The following PCDHA9 variants were observed in gnomAD, a reference collection of about 807,000 sequenced individuals.
PCDHA9 encodes protocadherin alpha 9, also known as protocadherin alpha-9.
A neutral mutation model predicts 62.0 loss-of-function variants in PCDHA9; 62 were observed. That is an observed-to-expected ratio of 1.00 (90% confidence interval 0.81 to 1.23). The LOEUF (loss-of-function observed/expected upper bound fraction) is 1.23. Ranked by LOEUF, PCDHA9 falls within the 50% of genes most tolerant of loss-of-function variation. The probability of loss-of-function intolerance (pLI) is 0.00; values close to 1 mark genes in which losing one functional copy is unlikely to be tolerated. For synonymous variants in PCDHA9, 557 were observed against 567.6 expected (o/e 0.98, Z 0.27); for missense variants, 1,205 against 1,249.8 (o/e 0.96, Z 0.54).
At chr5:140,949,597 C>T (rs1279469149) in intron 1 of PCDHA9, among the ~76,000 whole-genome samples, 1 of 151,600 alleles carries the variant, frequency 6.6e-6, no homozygotes, top group African/African-American at 2.4e-5. Flanking sequence ...TTAATGTGGC[C>T]ATTCTAGTCT....
At chr5:140,898,410 C>T (rs1554187963) in intron 1 of PCDHA9, among the ~76,000 whole-genome samples, 4 of 152,212 alleles carry the variant, frequency 2.6e-5, no homozygotes. Flanking sequence ...CTACATACGG[C>T]TAGCCAGTTT....
Position 140,849,010 on chromosome 5 carries a change from T to C in PCDHA9, c.515T>C (p.Leu172Pro). 6.3e-7 allele frequency: 1 copy of C among 1,591,032 alleles called. No individual in the cohort carries two copies. Among genetic ancestry groups the C allele is most frequent in the Non-Finnish European group, 8.6e-7 (1 of 1,165,658 alleles). The change falls in exon 1 of 4, where the codon CTG becomes CCG. Residue 172 changes from leucine (L) to proline (P), a missense_variant. Transcript: ENST00000532602. ...GAGAACGCCCTGCTCACTTACAGACTGAGCCCCAATGAGTATTTCTTCCTG... is the reference window on the plus strand; with the variant it reads ...GAGAACGCCCTGCTCACTTACAGACCGAGCCCCAATGAGTATTTCTTCCTG... The part of the protein sequence containing the change: ...IGENALLTYR[L>P]SPNEYFFLDV...
At chr5:140,865,948 A>T (rs1324483727) in intron 1 of PCDHA9, 1 of 152,186 alleles carries the variant, frequency 6.6e-6, no homozygotes, top group African/African-American at 2.4e-5. Flanking sequence ...GATTGTCTTC[A>T]TCATTAATTT....
At chr5:140,924,416 T>G (rs1283567998) in intron 1 of PCDHA9, among the ~76,000 whole-genome samples, 1 of 152,192 alleles carries the variant, frequency 6.6e-6, no homozygotes, top group African/African-American at 2.4e-5. Context: ...CAGTGTGCCC[T>G]TTCTAGTTCC....
chr5:140,932,346 A>C (rs529573484), intron 1 of PCDHA9, among the ~76,000 whole-genome samples: 1 of 151,954 alleles, frequency 6.6e-6, no homozygotes, highest in African/African-American at 2.4e-5. Context: ...AACACTTACC[A>C]TACAACTGGC....
Position 140,979,718 on chromosome 5 carries a change from T to C in PCDHA9, c.2453+711T>C, listed in dbSNP as rs372148471. Among the ~76,000 whole-genome samples, 17 of 152,388 alleles carry C rather than the reference T, an allele frequency of 1.1e-4. No homozygotes were observed. The East Asian group carries it at 2.7e-3, about 24-fold the overall frequency. On this transcript the variant is annotated intron_variant, in intron 2 of 3. Transcript: ENST00000532602. ...ATTTCTGGAGGTGATCCAGTATCCA[T>C]GCCATGGGGCCAAATAAAAGATTCA...
chr5:140,961,196 A>G (rs2095596614), intron 1 of PCDHA9, among the ~76,000 whole-genome samples: 2 of 152,150 alleles, frequency 1.3e-5, no homozygotes, highest in African/African-American at 4.8e-5. Context: ...GACCCTAGTG[A>G]GGTTGGTATT....
chr5:140,882,451 G>C, intron 1 of PCDHA9: 1 of 1,614,040 alleles, frequency 6.2e-7, no homozygotes. Flanking sequence ...AGCTGGTGCC[G>C]CGCCTGTTCC....
chr5:140,886,945 A>T (rs2061235497), intron 1 of PCDHA9, among the ~76,000 whole-genome samples: 1 of 152,148 alleles, frequency 6.6e-6, no homozygotes, highest in Admixed American at 6.5e-5. Flanking sequence ...TGTTCTACAC[A>T]TTAGACATTT....
At chr5:140,938,218 T>C (rs1050033125) in intron 1 of PCDHA9, among the ~76,000 whole-genome samples, 1 of 152,210 alleles carries the variant, frequency 6.6e-6, no homozygotes, top group Admixed American at 6.5e-5. Flanking sequence ...AGTGCTGGGA[T>C]TACAGGCATA....
intron 1 of PCDHA9, chr5:140,870,035 A>G (rs1490530166): frequency 1.2e-6 from 2 of 1,613,656 alleles, no homozygotes; most frequent in African/African-American, 2.7e-5. Context: ...GATTATGAAG[A>G]AAACAAGTTT....
intron 1 of PCDHA9, chr5:140,882,766 G>C (rs782330844): frequency 6.2e-7 from 1 of 1,614,184 alleles, no homozygotes; most frequent in Non-Finnish European, 8.5e-7. Context: ...GAGTAAACTC[G>C]GCATTGACCT....
intron 1 of PCDHA9, chr5:140,881,225 T>C (rs1026658425): frequency 9.3e-5 from 25 of 267,532 alleles, no homozygotes; most frequent in Non-Finnish European, 1.4e-4. Context: ...TCTTGGAAAA[T>C]TAAAGTCAAT....
chr5:140,911,485 A>G (rs1387982810), intron 1 of PCDHA9, among the ~76,000 whole-genome samples: 1 of 152,152 alleles, frequency 6.6e-6, no homozygotes, highest in East Asian at 1.9e-4. Context: ...ACTCAGGGCA[A>G]TCTTAGCAGG....
intron 1 of PCDHA9, among the ~76,000 whole-genome samples, chr5:140,918,402 T>C (rs906018367): frequency 1.3e-5 from 2 of 152,212 alleles, no homozygotes; most frequent in African/African-American, 4.8e-5. Flanking sequence ...GCCTGATTTC[T>C]CTGGCCAGGA....
intron 1 of PCDHA9, chr5:140,863,746 C>T (rs902419131): frequency 8.2e-6 from 2 of 244,508 alleles, no homozygotes; most frequent in Non-Finnish European, 1.6e-5. Context: ...TATTTGTAAT[C>T]CCGGCACTTT....
Position 140,858,605 on chromosome 5 carries a change from T to A in PCDHA9, c.2394+7716T>A, listed in dbSNP as rs553423419. On this transcript the variant is annotated intron_variant, in intron 1 of 3. Coordinates refer to ENST00000532602, the MANE Select transcript of PCDHA9 (RefSeq NM_031857.2). ...ATAATTTATTCCAGGAGTTTTAAAA[T>A]TTTTTTATCCTACCCAGTGTGTCAG... 1.7e-5 allele frequency: 21 copies of A among 1,265,750 alleles called. 2 individuals are homozygous for A. Among genetic ancestry groups the A allele is most frequent in the African/African-American group, 1.5e-4 (10 of 66,840 alleles). 78.4% of individuals were successfully genotyped at this position (1,265,750 alleles called of 1,614,324 possible).
chr5:140,944,099 C>G (rs1585153302), intron 1 of PCDHA9, among the ~76,000 whole-genome samples: 1 of 152,264 alleles, frequency 6.6e-6, no homozygotes, highest in East Asian at 1.9e-4. Context: ...AAGTTTATAT[C>G]TCATGGGAAA....
At chr5:140,986,151 G>A (rs547474191) in intron 3 of PCDHA9, among the ~76,000 whole-genome samples, 1 of 152,198 alleles carries the variant, frequency 6.6e-6, no homozygotes, top group African/African-American at 2.4e-5. Flanking sequence ...GCATCACCAA[G>A]TAATGTTTTC....
Sources: gnomAD v4.1 joint callset for allele counts (sites outside exome capture counted in the v4.1 genomes callset) on GRCh38, gnomAD v4.1.1 for gene constraint, MANE v1.5 for transcripts, NCBI Gene and HGNC (gene_info 2026-07-23, HGNC 2026-07-21) for gene names.